The following MED27 variants were observed in gnomAD, a reference collection of about 807,000 sequenced individuals.
MED27 encodes mediator of RNA polymerase II transcription subunit 27.
In MED27, 30 loss-of-function variants were observed where a neutral mutation model predicts 38.2. The observed-to-expected ratio is 0.79, with a 90% CI of 0.59 to 1.07. The LOEUF (loss-of-function observed/expected upper bound fraction) is 1.07, where lower values mean the gene tolerates loss of function less well. MED27 is among the 50% of genes least tolerant of loss of function. The pLI, the probability that MED27 is intolerant of heterozygous loss-of-function variation, is 0.00. For missense variants in MED27, 289 were observed against 397.5 expected (o/e 0.73, Z 2.32); for synonymous variants, 122 against 153.5 (o/e 0.79, Z 1.52).
intron 3 of MED27, among the ~76,000 whole-genome samples, chr9:131,944,065 C>T (rs1830837109): frequency 6.6e-6 from 1 of 152,210 alleles, no homozygotes; most frequent in Non-Finnish European, 1.5e-5. Flanking sequence ...AGAAGGACAG[C>T]TTCAGTCTCA....
rs1241270128 is a variant in MED27, at chr9:131,861,023, T to C, written c.802-351A>G. On this transcript the variant is annotated intron_variant, in intron 7 of 7. Transcript: ENST00000292035. The surrounding 1 kb of genome is among the most constrained non-coding windows in gnomAD (Gnocchi z 4.4). ...GGGTCCCATGTCTTCTGAATGTCAG[T>C]ATCCATCCTCTTCTCCTTGCCCACT... 6.6e-6 allele frequency among the ~76,000 whole-genome samples: 1 copy of C among 152,140 alleles called. No individual in the cohort carries two copies. Among genetic ancestry groups the C allele is most frequent in the African/African-American group, 2.4e-5 (1 of 41,422 alleles).
chr9:131,983,773 A>G (rs562491280), intron 3 of MED27, among the ~76,000 whole-genome samples: 1 of 152,332 alleles, frequency 6.6e-6, no homozygotes, highest in South Asian at 2.1e-4. Context: ...CATCTGTGCT[A>G]ATAAATGTTC....
rs200227166 is a variant in MED27 at position 132,051,047 on chromosome 9, C to T, written c.348+26395G>A. On this transcript the variant is annotated intron_variant, in intron 2 of 7. Coordinates refer to ENST00000292035, the MANE Select transcript of MED27 (RefSeq NM_004269.4). The surrounding 1 kb of genome is among the most constrained non-coding windows in gnomAD (Gnocchi z 4.2). Reference sequence around the variant, plus strand: ...ACATGCATCTATACAACTGCACATTCACCCACACACACTGCAGCGAATGTT... The same window carrying T: ...ACATGCATCTATACAACTGCACATTTACCCACACACACTGCAGCGAATGTT... 6.2e-4 allele frequency among the ~76,000 whole-genome samples: 94 copies of T among 152,338 alleles called. No individual in the cohort carries two copies. The highest frequency in any genetic ancestry group is 1.2e-3 in the Non-Finnish European group (83 of 68,028).
At chr9:131,930,455 G>T (rs1830564262) in intron 4 of MED27, among the ~76,000 whole-genome samples, 1 of 152,172 alleles carries the variant, frequency 6.6e-6, no homozygotes, top group Admixed American at 6.5e-5. Flanking sequence ...GGAGAGAGTG[G>T]CATGGCATAT....
chr9:132,058,347 G>C (rs1201590212), intron 2 of MED27, among the ~76,000 whole-genome samples: 1 of 152,106 alleles, frequency 6.6e-6, no homozygotes, highest in Non-Finnish European at 1.5e-5. Flanking sequence ...ACATGTCGTG[G>C]GAGGGACCCA....
chr9:132,034,293 G>A (rs1044849486), intron 2 of MED27, among the ~76,000 whole-genome samples: 4 of 152,162 alleles, frequency 2.6e-5, no homozygotes, highest in Non-Finnish European at 5.9e-5. Flanking sequence ...CAAAGAAAGA[G>A]GAGTTTAAAA....
chr9:131,991,356 C>T (rs1285186311), intron 3 of MED27, among the ~76,000 whole-genome samples: 2 of 152,170 alleles, frequency 1.3e-5, no homozygotes, highest in East Asian at 3.8e-4. Flanking sequence ...ATTCTAATTT[C>T]ATTAGTTGCT....
chr9:132,060,557 G>A (rs1300544252), intron 2 of MED27, among the ~76,000 whole-genome samples: 4 of 152,230 alleles, frequency 2.6e-5, no homozygotes, highest in South Asian at 2.1e-4. Context: ...TTCCTTCAAG[G>A]GCCGCCCTTT....
chr9:131,873,785 T>C (rs1838876459), intron 6 of MED27, among the ~76,000 whole-genome samples: 1 of 152,200 alleles, frequency 6.6e-6, no homozygotes, highest in Non-Finnish European at 1.5e-5. Flanking sequence ...GAGATCAAGC[T>C]CTGTGTCTGA....
intron 3 of MED27, among the ~76,000 whole-genome samples, chr9:132,000,027 C>A (rs1165863895): frequency 6.6e-6 from 1 of 151,860 alleles, no homozygotes; most frequent in Non-Finnish European, 1.5e-5. Context: ...AAGGCATTTT[C>A]AAAGCCATGA....
At chr9:132,064,364 T>A (rs996989817) in intron 2 of MED27, among the ~76,000 whole-genome samples, 2 of 152,070 alleles carry the variant, frequency 1.3e-5, no homozygotes, top group Admixed American at 6.5e-5. Flanking sequence ...CAGTCCGAGA[T>A]AAAAGGAATA....
chr9:132,015,377 T>C (rs995441776), intron 2 of MED27, among the ~76,000 whole-genome samples: 3 of 152,230 alleles, frequency 2.0e-5, no homozygotes, highest in African/African-American at 4.8e-5. Context: ...CTGAGCTTCA[T>C]GGTGACTTAG....
At chr9:131,986,091 A>T (rs1323547815) in intron 3 of MED27, among the ~76,000 whole-genome samples, 1 of 152,242 alleles carries the variant, frequency 6.6e-6, no homozygotes, top group African/African-American at 2.4e-5. Flanking sequence ...ATAACAAAAG[A>T]ATCAAAAAGT....
intron 6 of MED27, among the ~76,000 whole-genome samples, chr9:131,866,500 T>C (rs1838739884): frequency 6.6e-6 from 1 of 152,246 alleles, no homozygotes; most frequent in Non-Finnish European, 1.5e-5. Context: ...GGTTCCAAGT[T>C]ATCTATCTCA....
At chr9:132,018,416 A>G (rs988047582) in intron 2 of MED27, among the ~76,000 whole-genome samples, 5 of 152,230 alleles carry the variant, frequency 3.3e-5, no homozygotes, top group African/African-American at 1.2e-4. Flanking sequence ...TTCTGACTTA[A>G]ATCTTGAGTT....
chr9:131,924,622 C>T (rs1182604195), intron 4 of MED27, among the ~76,000 whole-genome samples: 3 of 152,114 alleles, frequency 2.0e-5, no homozygotes, highest in African/African-American at 7.2e-5. Context: ...GCATCATACT[C>T]AATTTCCACA....
rs572410350 is a variant in MED27 at position 131,940,448 on chromosome 9, C to T, written c.480-974G>A. ...TTTCTTTTTTTGAGACTGAGTCTTG[C>T]TCTATTGCCCAGGCTGGAGTGCAGT... On this transcript the variant is annotated intron_variant, in intron 3 of 7. Coordinates refer to ENST00000292035, the MANE Select transcript of MED27 (RefSeq NM_004269.4). 3.5e-3 allele frequency among the ~76,000 whole-genome samples: 539 copies of T among 152,092 alleles called. 7 individuals are homozygous for T. The highest frequency in any genetic ancestry group is 0.012 in the African/African-American group (506 of 41,504).
chr9:131,933,772 GA>G (rs889348260), intron 4 of MED27, among the ~76,000 whole-genome samples: 5 of 150,566 alleles, frequency 3.3e-5, no homozygotes, highest in Admixed American at 6.6e-5. Context: ...CAAAGAAATA[GA>G]AAAAAAAATC....
At chr9:131,978,056 C>T (rs1447718458) in intron 3 of MED27, among the ~76,000 whole-genome samples, 1 of 152,186 alleles carries the variant, frequency 6.6e-6, no homozygotes, top group Non-Finnish European at 1.5e-5. Context: ...TGCTAGAACA[C>T]AATACCATCG....
Sources: allele counts gnomAD v4.1 joint callset (sites outside exome capture counted in the v4.1 genomes callset), GRCh38; gene constraint gnomAD v4.1.1; non-coding constraint Gnocchi (gnomAD v3.1); transcripts MANE v1.5; gene names NCBI Gene and HGNC (gene_info 2026-07-23, HGNC 2026-07-21).